MYOM2: variants seen among roughly 807,000 people sequenced by gnomAD.
MYOM2 encodes myomesin-2.
A neutral mutation model predicts 187.6 loss-of-function variants in MYOM2; 254 were observed. The ratio of observed to expected loss-of-function variants is 1.35; its 90% CI spans 1.22 to 1.50. MYOM2 has a LOEUF of 1.50. Among genes scored for constraint, MYOM2 ranks in the 40% most tolerant of loss-of-function variants. The probability of loss-of-function intolerance (pLI) is 0.00; values close to 1 mark genes in which losing one functional copy is unlikely to be tolerated. For missense variants in MYOM2, 2,796 were observed against 1,924.0 expected, an observed-to-expected ratio of 1.45 and a Z score of -8.48; for synonymous variants, 981 against 753.8, an observed-to-expected ratio of 1.30 and a Z score of -4.94.
chr8:2,078,942 C>T lies in MYOM2; in HGVS notation c.1462+9C>T, dbSNP rs1210498112. ...CCTCAGAAGGTTACAAGGTAAGCTG[C>T]TCACGCCTAAGTATCCACTGTGCCC... On this transcript the variant is annotated intron_variant, in intron 12 of 36. Coordinates refer to ENST00000262113, the MANE Select transcript of MYOM2 (RefSeq NM_003970.4). The T allele has an allele frequency of 6.2e-7, 1 of 1,613,020 alleles. No homozygotes were observed. The highest frequency in any genetic ancestry group is 8.5e-7 in the Non-Finnish European group (1 of 1,179,390).
At chr8:2,049,320 C>T (rs1818408585) in intron 1 of MYOM2, among the ~76,000 whole-genome samples, 1 of 152,156 alleles carries the variant, frequency 6.6e-6, no homozygotes, top group Non-Finnish European at 1.5e-5. Flanking sequence ...GGAAGAATTT[C>T]TCCTTTCTGG....
chr8:2,092,210 T>C (rs1796327489), intron 15 of MYOM2, 136 bp from the exon 16 acceptor site: 1 of 1,053,704 alleles, frequency 9.5e-7, no homozygotes, highest in South Asian at 1.5e-5. Context: ...CTCCTACTCC[T>C]GGACCCCTTG....
At chr8:2,144,164 G>A (rs943629654) in intron 36 of MYOM2, among the ~76,000 whole-genome samples, 2 of 151,376 alleles carry the variant, frequency 1.3e-5, no homozygotes. Flanking sequence ...TGAGAAATTA[G>A]CAATCGTTTT....
At chr8:2,067,232 G>A (rs1327242986) in intron 6 of MYOM2, among the ~76,000 whole-genome samples, 6 of 152,166 alleles carry the variant, frequency 3.9e-5, no homozygotes, top group Admixed American at 2.0e-4. Context: ...TGACTTCGCA[G>A]GAATGGATTT....
chr8:2,054,047 G>C (rs1011854851), intron 3 of MYOM2, among the ~76,000 whole-genome samples: 2 of 152,210 alleles, frequency 1.3e-5, no homozygotes, highest in African/African-American at 4.8e-5. Context: ...CCCGTGCTGA[G>C]TGATGTGAGC....
intron 1 of MYOM2, among the ~76,000 whole-genome samples, chr8:2,049,585 C>T (rs1818418093): frequency 6.6e-6 from 1 of 152,162 alleles, no homozygotes; most frequent in Admixed American, 6.5e-5. Context: ...TGGGTGGCAC[C>T]CCTGGGGCTG....
At chr8:2,076,312 G>A in intron 11 of MYOM2, 30 bp downstream of exon 11, 1 of 1,609,964 alleles carries the variant, frequency 6.2e-7, no homozygotes, top group South Asian at 1.1e-5. Flanking sequence ...CCGGGGATGG[G>A]AACGTTCCGC....
intron 17 of MYOM2, among the ~76,000 whole-genome samples, chr8:2,095,889 A>T (rs950336059): frequency 6.6e-6 from 1 of 152,212 alleles, no homozygotes; most frequent in Non-Finnish European, 1.5e-5. Context: ...TGGTTGTAAA[A>T]GTGAAAGCTC....
intron 32 of MYOM2, among the ~76,000 whole-genome samples, chr8:2,138,187 C>A (rs769366898): frequency 2.6e-5 from 4 of 152,236 alleles, no homozygotes; most frequent in Non-Finnish European, 4.4e-5. Context: ...GATGGAGACT[C>A]TGGCAAGTCC....
intron 15 of MYOM2, among the ~76,000 whole-genome samples, chr8:2,091,426 A>G (rs1276173956): frequency 4.6e-5 from 7 of 152,302 alleles, no homozygotes; most frequent in African/African-American, 1.7e-4. Context: ...TTTGAATTGC[A>G]ATCCCTGGAG....
At chr8:2,135,052 C>T (rs1001759054) in intron 32 of MYOM2, among the ~76,000 whole-genome samples, 2 of 152,172 alleles carry the variant, frequency 1.3e-5, no homozygotes, top group African/African-American at 2.4e-5. Context: ...CTGATTGGAT[C>T]CCAGCCCAAC....
At chr8:2,127,349 AG>A (rs140307858) in intron 31 of MYOM2, among the ~76,000 whole-genome samples, 7,216 of 152,150 alleles carry the variant, frequency 0.047, 371 homozygotes, top group South Asian at 0.17. Flanking sequence ...GCCCAGATGC[AG>A]GGACCCTCCA....
At chr8:2,133,487 G>A (rs117953372) in intron 32 of MYOM2, among the ~76,000 whole-genome samples, 4,239 of 152,270 alleles carry the variant, frequency 0.028, 63 homozygotes, top group Middle Eastern at 0.048. Flanking sequence ...CAGAGTCGGA[G>A]TGTTGCTCTG....
chr8:2,134,777 T>C (rs73657743), intron 32 of MYOM2, among the ~76,000 whole-genome samples: 19,777 of 152,128 alleles, frequency 0.13, 2,169 homozygotes, highest in African/African-American at 0.28. Context: ...TTCCAGTGTG[T>C]GTGCCTGCAT....
In MYOM2 at chr8:2,090,012, TG is replaced by T; in HGVS notation, c.1651del (p.Val551TrpfsTer15). On this transcript the variant is annotated frameshift_variant, in exon 15 of 37. Coordinates refer to ENST00000262113, the MANE Select transcript of MYOM2 (RefSeq NM_003970.4). LOFTEE classifies it high-confidence loss of function. ...DPLMYFIEKS[V>X]VGSGSWQRVN... is the part of the protein sequence containing the mutation. ...CGTTTCTGTTTCTCTTTGTAGTCCG[TG>T]GTGGGGAGCGGCAGCTGGCAGAGAG... is the stretch of plus-strand genomic sequence containing the variant. 3 of 1,613,394 alleles carry T rather than the reference TG, an allele frequency of 1.9e-6. No homozygotes were observed. The highest frequency in any genetic ancestry group is 1.7e-6 in the Non-Finnish European group (2 of 1,179,732).
rs563811366 is a variant in MYOM2 at position 2,099,111 on chromosome 8, G to C, written c.2440+128G>C. On this transcript the variant is annotated intron_variant, in intron 19 of 36. Transcript: ENST00000262113. ...TGTTCCTCCGACACCCGCAGCCGCA[G>C]AGCCACCGTGCGCCAGGCGCCGTGC... The C allele has an allele frequency of 4.8e-6, 6 of 1,246,766 alleles. No homozygotes were observed. In the African/African-American group the frequency reaches 7.5e-5, roughly 16 times the overall value. 77.2% of individuals were successfully genotyped at this position (1,246,766 alleles called of 1,614,324 possible). A position where few individuals can be genotyped will look rare whatever the true frequency, so the allele number is the denominator to read the frequency against.
chr8:2,085,449 G>C, intron 14 of MYOM2, 59 bp downstream of exon 14: 1 of 1,582,144 alleles, frequency 6.3e-7, no homozygotes, highest in Non-Finnish European at 8.6e-7. Context: ...CCACTGTCAT[G>C]ATCTCTGCGT....
At chr8:2,127,541 G>C (rs937851202) in intron 31 of MYOM2, among the ~76,000 whole-genome samples, 3 of 152,254 alleles carry the variant, frequency 2.0e-5, no homozygotes, top group South Asian at 4.1e-4. Context: ...GTGGACTAGC[G>C]GGGTTTAGGG....
Position 2,079,603 on chromosome 8 carries a change from T to C in MYOM2, c.1506T>C (p.Asp502=). ...EGEKEIAIYQ[D]DLEGDAQVPG... ...AGAAGGAGATTGCCATTTATCAGGA[T>C]GACCTTGAAGGTAAGTAGCACCTCA... The change falls in exon 13 of 37, where the codon GAT becomes GAC. Residue 502 remains aspartate, a synonymous_variant. Coordinates refer to ENST00000262113, the MANE Select transcript of MYOM2 (RefSeq NM_003970.4). 1.2e-6 allele frequency: 2 copies of C among 1,614,178 alleles called. No homozygotes were observed. Among genetic ancestry groups the C allele is most frequent in the South Asian group, 1.1e-5 (1 of 91,078 alleles).
Sources: allele counts gnomAD v4.1 joint callset (sites outside exome capture counted in the v4.1 genomes callset), GRCh38; gene constraint gnomAD v4.1.1; transcripts MANE v1.5; gene names NCBI Gene and HGNC (gene_info 2026-07-23, HGNC 2026-07-21).